BEND5: variants seen among roughly 807,000 people sequenced by gnomAD.
The protein encoded by BEND5 is BEN domain-containing protein 5.
In BEND5, 22 loss-of-function variants were observed where a neutral mutation model predicts 43.9. The ratio of observed to expected loss-of-function variants is 0.50; its 90% CI spans 0.36 to 0.72. The LOEUF is 0.72. Among genes scored for constraint, BEND5 ranks in the 30% least tolerant of loss-of-function variants. The pLI is 0.00. For synonymous variants in BEND5, 228 were observed against 225.9 expected (o/e 1.01, Z -0.08); for missense variants, 428 against 550.6 (o/e 0.78, Z 2.23).
intron 5 of BEND5, among the ~76,000 whole-genome samples, chr1:48,730,609 G>A (rs907395132): frequency 6.6e-6 from 1 of 152,120 alleles, no homozygotes; most frequent in Non-Finnish European, 1.5e-5. Context: ...GTTTTTGGAG[G>A]AGCCCCCATA....
At chr1:48,772,100 T>C (rs1010736343) in intron 1 of BEND5, among the ~76,000 whole-genome samples, 15 of 152,218 alleles carry the variant, frequency 9.9e-5, no homozygotes, top group Non-Finnish European at 7.3e-5. Context: ...GCAGACTATA[T>C]GCTGGGCACT....
chr1:48,759,826 A>G (rs1486265069), intron 2 of BEND5, among the ~76,000 whole-genome samples: 1 of 152,174 alleles, frequency 6.6e-6, no homozygotes, highest in East Asian at 1.9e-4. Flanking sequence ...AAAAACTCTA[A>G]TCTACTCTAA....
Position 48,756,631 on chromosome 1 carries a change from G to A in BEND5, c.745+2269C>T, listed in dbSNP as rs114503140. Among the ~76,000 whole-genome samples the A allele has an allele frequency of 3.7e-3, 556 of 152,322 alleles. 3 individuals are homozygous for A. Among genetic ancestry groups the A allele is most frequent in the African/African-American group, 0.013 (521 of 41,566 alleles). ...GGAAGTTGGGATTTGAATCCAAGCC[G>A]TGAAAACATACAACCTCCTCTTAAG... On this transcript the variant is annotated intron_variant, in intron 3 of 5. Coordinates refer to ENST00000371833, the MANE Select transcript of BEND5 (RefSeq NM_024603.4).
At chr1:48,770,059 G>A (rs1214512055) in intron 1 of BEND5, among the ~76,000 whole-genome samples, 1 of 152,148 alleles carries the variant, frequency 6.6e-6, no homozygotes. Context: ...TCAGCACCAT[G>A]CTAGAAGCCC....
intron 3 of BEND5, among the ~76,000 whole-genome samples, chr1:48,751,728 T>C (rs1342880699): frequency 1.3e-5 from 2 of 152,006 alleles, no homozygotes; most frequent in African/African-American, 2.4e-5. Context: ...ATTCTGACAA[T>C]GGGGAAAAGC....
intron 1 of BEND5, 143 bp downstream of exon 1, chr1:48,776,463 A>C (rs1182955226): frequency 3.2e-6 from 2 of 633,692 alleles, no homozygotes; most frequent in Non-Finnish European, 4.9e-6. Context: ...CCGTTCCCAA[A>C]TGAAATGCCC....
chr1:48,747,771 C>T (rs1557939243), intron 3 of BEND5, among the ~76,000 whole-genome samples: 1 of 152,146 alleles, frequency 6.6e-6, no homozygotes, highest in African/African-American at 2.4e-5. Flanking sequence ...TGGACTAATG[C>T]TGTTCTTTCT....
rs1489269853 is a variant in BEND5, at chr1:48,742,687, T to C, written c.830A>G (p.Asn277Ser). ...ELRSTFSEEANTSSYYPAPAP... is the reference protein window; with the variant it reads ...ELRSTFSEEASTSSYYPAPAP... ...AGGAGCGGGGTAATAGGACGACGTA[T>C]TTGCTTCCTCACTGAAAGTGCTCCG... The change falls in exon 4 of 6, where the codon AAT becomes AGT. Residue 277 changes from asparagine to serine, a missense_variant. Physicochemically the swap from Asn to Ser is conservative, Grantham distance 46 (BLOSUM62 1). Coordinates refer to ENST00000371833, the MANE Select transcript of BEND5 (RefSeq NM_024603.4). 1 of 1,611,618 alleles carries C rather than the reference T, an allele frequency of 6.2e-7. No homozygotes were observed. The highest frequency in any genetic ancestry group is 1.7e-5 in the Admixed American group (1 of 59,634).
intron 1 of BEND5, among the ~76,000 whole-genome samples, chr1:48,772,187 G>C (rs1007129229): frequency 3.3e-5 from 5 of 152,204 alleles, no homozygotes; most frequent in African/African-American, 1.2e-4. Flanking sequence ...GCACATTCAT[G>C]ACTAATAAAA....
At chr1:48,765,983 G>A (rs183977943) in intron 1 of BEND5, among the ~76,000 whole-genome samples, 41 of 152,090 alleles carry the variant, frequency 2.7e-4, no homozygotes, top group East Asian at 5.8e-4. Context: ...AAAACGTTCC[G>A]GAATTAAGTA....
rs1648996846 is a variant in BEND5, at chr1:48,736,097, TC to T, written c.1108+141del. ...GAGCTCTTCTGGGGCATTTGGGTTATCCGCTTGGTGTCCCCGGGCTCAGCCC... is the reference window on the plus strand; with the variant it reads ...GAGCTCTTCTGGGGCATTTGGGTTATCGCTTGGTGTCCCCGGGCTCAGCCC... On this transcript the variant is annotated intron_variant, in intron 5 of 5. Transcript: ENST00000371833. This position sits in a 1 kb window ranked among gnomAD's most constrained non-coding sequence, Gnocchi z 4.0. 1 of 868,840 alleles carries T rather than the reference TC, an allele frequency of 1.2e-6. No homozygotes were observed. The allele number at this position is 868,840 out of a possible 1,614,324, so 53.8% of individuals were successfully genotyped here.
intron 1 of BEND5, among the ~76,000 whole-genome samples, chr1:48,769,459 A>G (rs973845047): frequency 6.6e-6 from 1 of 151,070 alleles, no homozygotes; most frequent in Non-Finnish European, 1.5e-5. Flanking sequence ...GTCGCAGAGG[A>G]ACAAACAGGG....
At chr1:48,761,570 C>T in intron 1 of BEND5, 100 bp from the exon 2 acceptor site, 13 of 1,245,364 alleles carry the variant, frequency 1.0e-5, no homozygotes, top group Non-Finnish European at 1.4e-5. Context: ...ATAATTGAGG[C>T]CAGACCAGTT....
At chr1:48,762,208 C>T (rs1644294185) in intron 1 of BEND5, among the ~76,000 whole-genome samples, 1 of 152,170 alleles carries the variant, frequency 6.6e-6, no homozygotes, top group African/African-American at 2.4e-5. Context: ...TCGCCCACTG[C>T]TTACGTGTGC....
chr1:48,768,396 G>C (rs921075086), intron 1 of BEND5, among the ~76,000 whole-genome samples: 6 of 152,008 alleles, frequency 3.9e-5, no homozygotes, highest in Non-Finnish European at 5.9e-5. Context: ...GAGCTTTCTT[G>C]TAAAAAAAAT....
chr1:48,749,439 T>A (rs901615917), intron 3 of BEND5, among the ~76,000 whole-genome samples: 2 of 152,212 alleles, frequency 1.3e-5, no homozygotes. Flanking sequence ...TCGATCTTAT[T>A]ATCTCTGTAA....
Position 48,776,636 on chromosome 1 carries a change from G to A in BEND5, c.196C>T (p.Leu66Phe). ...AGCGCCAGGATCTGGGCCTTGTGGAGCAACAGCGCGCCCCAGTCGCGGGGG... is the reference window on the plus strand; with the variant it reads ...AGCGCCAGGATCTGGGCCTTGTGGAACAACAGCGCGCCCCAGTCGCGGGGG... ...RAPRDWGALL[L>F]HKAQILALAE... The change falls in exon 1 of 6, where the codon CTC (leucine) becomes TTC (phenylalanine). Residue 66 changes from leucine (L) to phenylalanine (F), a missense_variant. Leu to Phe is a conservative substitution (Grantham distance 22). This residue lies in a region of BEND5 where 107 missense variants were observed against 98.8 expected (regional missense o/e 1.08). Transcript: ENST00000371833. 1 of 1,480,152 alleles carries A rather than the reference G, an allele frequency of 6.8e-7. No homozygotes were observed. Among genetic ancestry groups the A allele is most frequent in the Non-Finnish European group, 8.9e-7 (1 of 1,120,082 alleles). The allele number at this position is 1,480,152 out of a possible 1,614,324, so 91.7% of individuals were successfully genotyped here.
intron 1 of BEND5, among the ~76,000 whole-genome samples, chr1:48,770,771 C>T (rs1644780867): frequency 6.6e-6 from 1 of 152,210 alleles, no homozygotes; most frequent in Non-Finnish European, 1.5e-5. Flanking sequence ...ACCACATCAT[C>T]ATCATACACA....
At position 48,764,147 on chromosome 1, in the gene BEND5, G is replaced by A. The variant is rs543417401; in HGVS notation, c.227-2677C>T. ...AATGCTGAATTTGAATAAGGGAGAAGTAACTGCTAAAGGATTTTAGGAGCA... is the reference window on the plus strand; with the variant it reads ...AATGCTGAATTTGAATAAGGGAGAAATAACTGCTAAAGGATTTTAGGAGCA... On this transcript the variant is annotated intron_variant, in intron 1 of 5. Coordinates refer to ENST00000371833, the MANE Select transcript of BEND5 (RefSeq NM_024603.4). Among the ~76,000 whole-genome samples the A allele has an allele frequency of 3.3e-5, 5 of 152,326 alleles. No homozygotes were observed. In the East Asian group the frequency reaches 9.6e-4, roughly 29 times the overall value.
Sources: gnomAD v4.1 joint callset for allele counts (sites outside exome capture counted in the v4.1 genomes callset) on GRCh38, gnomAD v4.1.1 for gene constraint, gnomAD v4.1.1 regional missense constraint, Gnocchi (gnomAD v3.1) non-coding constraint, MANE v1.5 for transcripts, NCBI Gene and HGNC (gene_info 2026-07-23, HGNC 2026-07-21) for gene names.